Variants in DNAH12 observed in about 807,000 individuals in gnomAD.
DNAH12 encodes the protein dynein axonemal heavy chain 12.
Under a neutral mutation model 371.5 loss-of-function variants are expected in DNAH12, and 285 were observed. That is an observed-to-expected ratio of 0.77 (90% CI 0.70 to 0.85). The LOEUF (loss-of-function observed/expected upper bound fraction) is 0.85, where lower values mean the gene tolerates loss of function less well. Among genes scored for constraint, DNAH12 ranks in the 40% least tolerant of loss-of-function variants. DNAH12 has a pLI of 0.00. For synonymous variants in DNAH12, 1,200 were observed against 1,213.0 expected (o/e 0.99, Z 0.22); for missense variants, 3,611 against 3,689.4 (o/e 0.98, Z 0.55).
chr3:57,453,311 A>AGTG lies in DNAH12; in HGVS notation c.3546_3548dup (p.Thr1183dup). 6.4e-7 allele frequency: 1 copy of AGTG among 1,551,154 alleles called. No individual in the cohort carries two copies. Among genetic ancestry groups the AGTG allele is most frequent in the South Asian group, 1.2e-5 (1 of 83,892 alleles). ...CATCAATAGTAACCAAAGCCCCCAGAGTGGTCCTGGTCTGCTTAGACAACT... is the reference window on the plus strand; with the variant it reads ...CATCAATAGTAACCAAAGCCCCCAGAGTGGTGGTCCTGGTCTGCTTAGACAACT... On this transcript the variant is annotated inframe_insertion, in exon 24 of 74. Transcript: ENST00000495027.
In DNAH12 at chr3:57,510,898, T is replaced by G. The variant is rs116786176; in HGVS notation, c.361A>C (p.Arg121=). ...IQQEWLDHML[R]LIPESLKEGK... ...TCCTTTAAAGACTCAGGTATCAGCCTTAACATGTGATCCAGCCATTCCTGC... is the reference window on the plus strand; with the variant it reads ...TCCTTTAAAGACTCAGGTATCAGCCGTAACATGTGATCCAGCCATTCCTGC... The change falls in exon 5 of 74, where the codon AGG becomes CGG. Residue 121 remains arginine, a synonymous_variant. Coordinates refer to ENST00000495027, the MANE Select transcript of DNAH12 (RefSeq NM_001366028.2). 9.3e-6 allele frequency: 15 copies of G among 1,614,094 alleles called. No homozygotes were observed. The highest frequency in any genetic ancestry group is 1.3e-5 in the Non-Finnish European group (15 of 1,180,028).
intron 29 of DNAH12, among the ~76,000 whole-genome samples, chr3:57,442,931 A>G (rs1487738259): frequency 6.6e-6 from 1 of 152,228 alleles, no homozygotes; most frequent in Non-Finnish European, 1.5e-5. Flanking sequence ...AAGACATGGA[A>G]GAATTGAATC....
chr3:57,317,180 A>C (rs1293118831), intron 65 of DNAH12, among the ~76,000 whole-genome samples: 2 of 152,162 alleles, frequency 1.3e-5, no homozygotes, highest in Non-Finnish European at 2.9e-5. Flanking sequence ...TGAACATGCA[A>C]ATTTGTTTGT....
Position 57,504,015 on chromosome 3 carries a change from C to T in DNAH12, c.1086+1G>A. 2 of 1,609,540 alleles carry T rather than the reference C, an allele frequency of 1.2e-6. No individual in the cohort carries two copies. Among genetic ancestry groups the T allele is most frequent in the Non-Finnish European group, 1.7e-6 (2 of 1,177,002 alleles). ...TTTCCCGATGGGTAAAGATGTAATA[C>T]CTGCAGAGCTTCGGCTATTCGTTCC... On this transcript the variant is annotated splice_donor_variant, in intron 9 of 73. Transcript: ENST00000495027. LOFTEE classifies it high-confidence loss of function.
chr3:57,514,131 C>A (rs1048856856), intron 4 of DNAH12, among the ~76,000 whole-genome samples: 1 of 152,098 alleles, frequency 6.6e-6, no homozygotes, highest in East Asian at 1.9e-4. Flanking sequence ...CAGTGGCTCA[C>A]GCCTGTAATC....
intron 51 of DNAH12, among the ~76,000 whole-genome samples, chr3:57,379,935 T>C (rs2063354709): frequency 6.6e-6 from 1 of 151,320 alleles, no homozygotes. Context: ...AATAAGAATT[T>C]GAATAGAAAA....
At chr3:57,491,246 A>G (rs1007054701) in intron 11 of DNAH12, among the ~76,000 whole-genome samples, 2 of 152,104 alleles carry the variant, frequency 1.3e-5, no homozygotes, top group African/African-American at 2.4e-5. Context: ...AAACTAAACT[A>G]TATTATTTAA....
Position 57,313,066 on chromosome 3 carries a change from C to T in DNAH12, c.10662+1428G>A, listed in dbSNP as rs1350752563. Reference sequence around the variant, plus strand: ...TCATTAGGTCCTATTTCAAAAAGGCCCCTCAGAACAGCAAAAGAGCAGAAA... The same window carrying T: ...TCATTAGGTCCTATTTCAAAAAGGCTCCTCAGAACAGCAAAAGAGCAGAAA... On this transcript the variant is annotated intron_variant, in intron 66 of 73. Coordinates refer to ENST00000495027, the MANE Select transcript of DNAH12 (RefSeq NM_001366028.2). Among the ~76,000 whole-genome samples the T allele has an allele frequency of 3.9e-5, 6 of 152,148 alleles. No individual in the cohort carries two copies. The East Asian group carries it at 1.2e-3, about 29-fold the overall frequency.
intron 4 of DNAH12, among the ~76,000 whole-genome samples, chr3:57,512,905 G>A (rs568793294): frequency 5.9e-5 from 9 of 152,206 alleles, no homozygotes; most frequent in East Asian, 1.9e-4. Context: ...TTGGGAGGCC[G>A]AGGCGGGTGG....
intron 12 of DNAH12, among the ~76,000 whole-genome samples, chr3:57,485,679 A>G (rs1177140340): frequency 2.0e-5 from 3 of 152,038 alleles, no homozygotes; most frequent in African/African-American, 7.2e-5. Context: ...AATTACAGGC[A>G]TGAGCCACCG....
intron 32 of DNAH12, 37 bp downstream of exon 32, chr3:57,433,330 C>A: frequency 6.5e-7 from 1 of 1,531,100 alleles, no homozygotes; most frequent in South Asian, 1.3e-5. Context: ...ATTGCTTAAT[C>A]ATGGCTGAAT....
chr3:57,484,563 C>T (rs1182547819), intron 12 of DNAH12, among the ~76,000 whole-genome samples: 5 of 151,990 alleles, frequency 3.3e-5, no homozygotes, highest in Admixed American at 1.3e-4. Flanking sequence ...GACTTAAATC[C>T]GAGACCTGAA....
intron 43 of DNAH12, among the ~76,000 whole-genome samples, chr3:57,396,902 A>C (rs1434394748): frequency 6.6e-6 from 1 of 152,188 alleles, no homozygotes; most frequent in Non-Finnish European, 1.5e-5. Flanking sequence ...ACGGGCACCT[A>C]TAATTCCAGC....
intron 11 of DNAH12, among the ~76,000 whole-genome samples, chr3:57,492,739 T>C (rs2067172287): frequency 6.6e-6 from 1 of 152,202 alleles, no homozygotes; most frequent in African/African-American, 2.4e-5. Context: ...CCGGGTGCAG[T>C]GGCTCACACC....
intron 60 of DNAH12, among the ~76,000 whole-genome samples, chr3:57,349,312 A>C (rs558848254): frequency 4.5e-4 from 68 of 152,138 alleles, no homozygotes; most frequent in Non-Finnish European, 7.6e-4. Context: ...GCCACACACA[A>C]AAAAAATGGA....
intron 60 of DNAH12, among the ~76,000 whole-genome samples, chr3:57,343,508 C>T (rs894842678): frequency 2.0e-5 from 3 of 152,240 alleles, no homozygotes; most frequent in Non-Finnish European, 2.9e-5. Flanking sequence ...CAATGCACTG[C>T]GGAAAGCCGC....
At chr3:57,333,199 A>C (rs2153305941) in intron 62 of DNAH12, among the ~76,000 whole-genome samples, 1 of 151,860 alleles carries the variant, frequency 6.6e-6, no homozygotes, top group South Asian at 2.1e-4. Context: ...TCCCAGGTTG[A>C]AGTGATTCTC....
Position 57,421,638 on chromosome 3 carries a change from A to G in DNAH12, c.5442T>C (p.Phe1814=). Residue 1814 remains phenylalanine, a synonymous_variant, in exon 36 of 74, where the codon TTT becomes TTC. Coordinates refer to ENST00000495027, the MANE Select transcript of DNAH12 (RefSeq NM_001366028.2). The part of the protein sequence containing the change: ...GSCDTDGRRV[F]DTFIRLIILG... ...GTATGATTAATCGTATGAAAGTATCAAAAACACGACGGCCATCTGTATCAC... is the reference window on the plus strand; with the variant it reads ...GTATGATTAATCGTATGAAAGTATCGAAAACACGACGGCCATCTGTATCAC... The G allele has an allele frequency of 2.6e-6, 4 of 1,551,650 alleles. No homozygotes were observed. Among genetic ancestry groups the G allele is most frequent in the Non-Finnish European group, 3.5e-6 (4 of 1,146,986 alleles).
chr3:57,313,560 A>G (rs1427294974), intron 66 of DNAH12, among the ~76,000 whole-genome samples: 1 of 152,208 alleles, frequency 6.6e-6, no homozygotes, highest in African/African-American at 2.4e-5. Context: ...AGGCTGAGGC[A>G]TAAGAATAGC....
Sources: gnomAD v4.1 joint callset for allele counts (sites outside exome capture counted in the v4.1 genomes callset) on GRCh38, gnomAD v4.1.1 for gene constraint, MANE v1.5 for transcripts, NCBI Gene and HGNC (gene_info 2026-07-23, HGNC 2026-07-21) for gene names.